The following CNTNAP2 variants were observed in gnomAD, a reference collection of about 807,000 sequenced individuals.
The protein encoded by CNTNAP2 is contactin associated protein 2, also known as contactin-associated protein-like 2.
A neutral mutation model predicts 155.2 loss-of-function variants in CNTNAP2; 98 were observed. That is an observed-to-expected ratio of 0.63 (90% confidence interval 0.54 to 0.75). CNTNAP2 has a LOEUF of 0.75. CNTNAP2 is among the 30% of genes least tolerant of loss of function. The probability of loss-of-function intolerance (pLI) is 0.00; values close to 1 mark genes in which losing one functional copy is unlikely to be tolerated. For missense variants in CNTNAP2, 1,727 were observed against 1,688.1 expected, an observed-to-expected ratio of 1.02 and a Z score of -0.40; for synonymous variants, 651 against 631.2, an observed-to-expected ratio of 1.03 and a Z score of -0.47.
chr7:148,321,323 A>G (rs1797787431), intron 21 of CNTNAP2, among the ~76,000 whole-genome samples: 1 of 152,212 alleles, frequency 6.6e-6, no homozygotes, highest in South Asian at 2.1e-4. Context: ...AAAAACCTTC[A>G]AAGCAGCAGG....
At chr7:147,048,011 A>G (rs764732428) in intron 4 of CNTNAP2, among the ~76,000 whole-genome samples, 1 of 151,972 alleles carries the variant, frequency 6.6e-6, no homozygotes, top group African/African-American at 2.4e-5. Context: ...TGGAAGTTGT[A>G]AGCATATAAG....
At chr7:146,960,422 A>G (rs893704801) in intron 3 of CNTNAP2, among the ~76,000 whole-genome samples, 17 of 152,154 alleles carry the variant, frequency 1.1e-4, no homozygotes, top group Admixed American at 5.2e-4. Context: ...GGTTTCCTGT[A>G]CTTTTCTGTG....
In CNTNAP2 at chr7:146,439,708, G is replaced by C. The variant is rs149807648; in HGVS notation, c.97+322735G>C. Among the ~76,000 whole-genome samples, 57 of 151,436 alleles carry C rather than the reference G, an allele frequency of 3.8e-4. 4 individuals carry two copies. Among genetic ancestry groups the C allele is most frequent in the African/African-American group, 1.4e-3 (56 of 40,864 alleles). ...ATATGGGAGCAGAATGACTCTTGTC[G>C]TAGTCACAAAGGTTCCAACTTGATT... On this transcript the variant is annotated intron_variant, in intron 1 of 23. Coordinates refer to ENST00000361727, the MANE Select transcript of CNTNAP2 (RefSeq NM_014141.6).
At chr7:148,194,933 T>C (rs1454947593) in intron 18 of CNTNAP2, among the ~76,000 whole-genome samples, 1 of 152,180 alleles carries the variant, frequency 6.6e-6, no homozygotes, top group Non-Finnish European at 1.5e-5. Context: ...TTACCAGTTA[T>C]CTGGGCACCC....
At chr7:147,916,753 G>A (rs1363264209) in intron 14 of CNTNAP2, among the ~76,000 whole-genome samples, 1 of 151,784 alleles carries the variant, frequency 6.6e-6, no homozygotes, top group African/African-American at 2.4e-5. Flanking sequence ...GATGTCATGG[G>A]ATCTAAAGAA....
At chr7:148,256,270 T>C (rs555517764) in intron 20 of CNTNAP2, among the ~76,000 whole-genome samples, 9 of 152,284 alleles carry the variant, frequency 5.9e-5, no homozygotes, top group African/African-American at 2.2e-4. Context: ...TAGAGTTGTA[T>C]CTTCACAGAT....
At chr7:146,657,850 A>T (rs1393982226) in intron 1 of CNTNAP2, among the ~76,000 whole-genome samples, 1 of 152,120 alleles carries the variant, frequency 6.6e-6, no homozygotes, top group South Asian at 2.1e-4. Context: ...TTTTAATTCT[A>T]TTAAATATCA....
chr7:146,741,606 A>C (rs991528846), intron 1 of CNTNAP2, among the ~76,000 whole-genome samples: 1 of 152,230 alleles, frequency 6.6e-6, no homozygotes, highest in Admixed American at 6.5e-5. Flanking sequence ...ATATGAATTT[A>C]TGGTGAAGAC....
rs960836645 is a variant in CNTNAP2 at position 147,550,108 on chromosome 7, A to C, written c.1778-12030A>C. Reference sequence around the variant, plus strand: ...ACTTTATTCTTCCACTTTTAACAACATAAATGCCTTGGAAAAAATCACTCA... The same window carrying C: ...ACTTTATTCTTCCACTTTTAACAACCTAAATGCCTTGGAAAAAATCACTCA... On this transcript the variant is annotated intron_variant, in intron 11 of 23. Coordinates refer to ENST00000361727, the MANE Select transcript of CNTNAP2 (RefSeq NM_014141.6). Among the ~76,000 whole-genome samples, 4 of 152,208 alleles carry C rather than the reference A, an allele frequency of 2.6e-5. No individual in the cohort carries two copies. The South Asian group carries it at 8.3e-4, about 32-fold the overall frequency.
chr7:147,660,349 T>C (rs1419532508), intron 13 of CNTNAP2, among the ~76,000 whole-genome samples: 1 of 152,166 alleles, frequency 6.6e-6, no homozygotes, highest in African/African-American at 2.4e-5. Flanking sequence ...GAGAAAAAGA[T>C]TTTGGCACTC....
intron 13 of CNTNAP2, among the ~76,000 whole-genome samples, chr7:147,639,783 T>G (rs1447536737): frequency 6.6e-6 from 1 of 152,228 alleles, no homozygotes; most frequent in African/African-American, 2.4e-5. Context: ...CTAGCCTGAT[T>G]TTTTGTTTTC....
intron 3 of CNTNAP2, among the ~76,000 whole-genome samples, chr7:146,889,561 T>G (rs2129211154): frequency 6.6e-6 from 1 of 152,230 alleles, no homozygotes; most frequent in African/African-American, 2.4e-5. Context: ...ATTTACTATT[T>G]TATTCTGCAT....
intron 18 of CNTNAP2, among the ~76,000 whole-genome samples, chr7:148,173,975 G>A (rs1794881950): frequency 6.6e-6 from 1 of 152,190 alleles, no homozygotes; most frequent in African/African-American, 2.4e-5. Context: ...AGATTAATAG[G>A]CAATAGTCAT....
intron 10 of CNTNAP2, among the ~76,000 whole-genome samples, chr7:147,414,558 C>T (rs948433656): frequency 2.6e-5 from 4 of 151,650 alleles, no homozygotes; most frequent in African/African-American, 9.7e-5. Flanking sequence ...CTTAATTTGG[C>T]TCTTTCATTG....
chr7:147,316,656 G>A (rs1795239237), intron 9 of CNTNAP2, among the ~76,000 whole-genome samples: 1 of 152,030 alleles, frequency 6.6e-6, no homozygotes, highest in South Asian at 2.1e-4. Flanking sequence ...ATATACTTTT[G>A]AAAGAATATA....
At chr7:147,102,520 A>G (rs926743853) in intron 4 of CNTNAP2, among the ~76,000 whole-genome samples, 4 of 152,174 alleles carry the variant, frequency 2.6e-5, no homozygotes, top group Non-Finnish European at 5.9e-5. Context: ...CCTAGGGAAT[A>G]TCAAGCACTG....
chr7:146,247,671 A>G (rs1799683990), intron 1 of CNTNAP2, among the ~76,000 whole-genome samples: 3 of 152,150 alleles, frequency 2.0e-5, no homozygotes, highest in South Asian at 2.1e-4. Context: ...TGAAAGTGCC[A>G]TTTTCTGGCT....
chr7:146,965,251 T>A (rs1471779910), intron 3 of CNTNAP2, among the ~76,000 whole-genome samples: 1 of 152,050 alleles, frequency 6.6e-6, no homozygotes, highest in Non-Finnish European at 1.5e-5. Context: ...GAAGAGAGCA[T>A]AATGGAACCC....
rs1387358030 is a variant in CNTNAP2, at chr7:146,714,520, CTTA to C, written c.98-59750_98-59748del. On this transcript the variant is annotated intron_variant, in intron 1 of 23. Coordinates refer to ENST00000361727, the MANE Select transcript of CNTNAP2 (RefSeq NM_014141.6). ...AGGTGAGATGATATTTTTTTGTAAA[CTTA>C]GGGTTAACAAACCTATTTATAATTA... Among the ~76,000 whole-genome samples the C allele has an allele frequency of 4.6e-3, 695 of 152,192 alleles. 6 individuals carry two copies. The highest frequency in any genetic ancestry group is 0.016 in the African/African-American group (658 of 41,534).
Sources: allele counts gnomAD v4.1 joint callset (sites outside exome capture counted in the v4.1 genomes callset), GRCh38; gene constraint gnomAD v4.1.1; transcripts MANE v1.5; gene names NCBI Gene and HGNC (gene_info 2026-07-23, HGNC 2026-07-21).